CADM1: variants seen among roughly 807,000 people sequenced by gnomAD.
CADM1 encodes TSLC-1.
CADM1 carries 15 observed loss-of-function variants against 53.1 expected under a neutral mutation model. The ratio of observed to expected loss-of-function variants is 0.28; its 90% CI spans 0.19 to 0.44. The LOEUF is 0.44. Among genes scored for constraint, CADM1 ranks in the 20% least tolerant of loss-of-function variants. The pLI is 1.00. For synonymous variants in CADM1, 281 were observed against 243.0 expected (o/e 1.16, Z -1.45); for missense variants, 434 against 611.3 (o/e 0.71, Z 3.06).
At chr11:115,261,769 A>T (rs1158325089) in intron 1 of CADM1, among the ~76,000 whole-genome samples, 1 of 150,606 alleles carries the variant, frequency 6.6e-6, no homozygotes, top group Non-Finnish European at 1.5e-5. Context: ...CAAAAATTTC[A>T]TGCACTCCAA....
At chr11:115,186,739 T>C (rs1298722029) in intron 10 of CADM1, among the ~76,000 whole-genome samples, 1 of 152,212 alleles carries the variant, frequency 6.6e-6, no homozygotes, top group African/African-American at 2.4e-5. Flanking sequence ...CCTGTCCCAA[T>C]GGCCTTCCCT....
chr11:115,318,959 T>G (rs1944748344), intron 1 of CADM1, among the ~76,000 whole-genome samples: 1 of 152,176 alleles, frequency 6.6e-6, no homozygotes, highest in African/African-American at 2.4e-5. Context: ...CCAGACACTG[T>G]GCTTAATGCA....
intron 1 of CADM1, among the ~76,000 whole-genome samples, chr11:115,431,473 CCACAGTGATTTTT>C (rs1337298032): frequency 6.6e-6 from 1 of 152,094 alleles, no homozygotes; most frequent in East Asian, 1.9e-4. Flanking sequence ...TACAAGGTAA[CCACAGTGATTTTT>C]TTCCAGAAAA....
chr11:115,491,422 T>C (rs314481), intron 1 of CADM1, among the ~76,000 whole-genome samples: 11,131 of 151,838 alleles, frequency 0.073, 551 homozygotes, highest in African/African-American at 0.13. Context: ...AAAATTAGCC[T>C]GGCAAGGTGG....
chr11:115,350,582 A>G (rs1293361843), intron 1 of CADM1, among the ~76,000 whole-genome samples: 2 of 151,164 alleles, frequency 1.3e-5, no homozygotes, highest in Non-Finnish European at 2.9e-5. Flanking sequence ...GGAATACACA[A>G]TAATTAAGAA....
intron 1 of CADM1, among the ~76,000 whole-genome samples, chr11:115,413,201 T>C (rs1359839219): frequency 6.6e-6 from 1 of 152,184 alleles, no homozygotes; most frequent in Non-Finnish European, 1.5e-5. Flanking sequence ...GACCTAAACA[T>C]ATTTGCTCAA....
At position 115,174,080 on chromosome 11, in the gene CADM1, T is replaced by C. The variant is rs1050620552; in HGVS notation, c.*2394A>G. The C allele has an allele frequency of 4.1e-6, 4 of 981,892 alleles. No homozygotes were observed. The highest frequency in any genetic ancestry group is 1.7e-5 in the African/African-American group (1 of 57,182). 60.8% of individuals were successfully genotyped at this position (981,892 alleles called of 1,614,324 possible). ...TTTGTTTTATTATTATTTTTTCCAA[T>C]GTGTGGGGCCTACACTTTGCAATCT... On this transcript the variant is annotated 3_prime_UTR_variant, in exon 12 of 12. Coordinates refer to ENST00000331581, the MANE Select transcript of CADM1 (RefSeq NM_001301043.2).
chr11:115,480,724 C>A (rs920822566), intron 1 of CADM1, among the ~76,000 whole-genome samples: 7 of 152,120 alleles, frequency 4.6e-5, no homozygotes, highest in African/African-American at 1.7e-4. Flanking sequence ...ACATTTCAAA[C>A]CTTCCCAGTT....
rs1402191685 is a variant in CADM1, at chr11:115,169,350, T to C, written c.*7124A>G. The C allele has an allele frequency of 3.3e-6, 1 of 300,968 alleles. No homozygotes were observed. The highest frequency in any genetic ancestry group is 6.6e-6 in the Non-Finnish European group (1 of 151,834). 18.6% of individuals were successfully genotyped at this position (300,968 alleles called of 1,614,324 possible). On this transcript the variant is annotated 3_prime_UTR_variant, in exon 12 of 12. Transcript: ENST00000331581. ...TTGGTGTCTCTGCAAGGAAATCTAT[T>C]ATTTTCCATAAACTGTCTTAAGCAT...
chr11:115,284,085 A>ACTCTCTCTCT (rs1449186377), intron 1 of CADM1, among the ~76,000 whole-genome samples: 24 of 23,344 alleles, frequency 1.0e-3, no homozygotes, highest in African/African-American at 3.1e-3. Flanking sequence ...ACAAGCCCAG[A>ACTCTCTCTCT]CACTCTCTCT....
intron 1 of CADM1, among the ~76,000 whole-genome samples, chr11:115,270,420 A>G (rs1380453184): frequency 1.3e-5 from 2 of 152,146 alleles, no homozygotes; most frequent in Non-Finnish European, 2.9e-5. Flanking sequence ...ACCATTGCTG[A>G]TGTCTATAAA....
intron 1 of CADM1, among the ~76,000 whole-genome samples, chr11:115,322,893 A>T (rs142727416): frequency 2.0e-3 from 298 of 152,228 alleles, no homozygotes; most frequent in African/African-American, 6.9e-3. Flanking sequence ...AAATAATAAT[A>T]TAATATTCAT....
At chr11:115,337,337 C>A (rs1449078060) in intron 1 of CADM1, among the ~76,000 whole-genome samples, 1 of 152,052 alleles carries the variant, frequency 6.6e-6, no homozygotes, top group Non-Finnish European at 1.5e-5. Flanking sequence ...TCTTTCTTTC[C>A]ACATAATTGT....
At chr11:115,369,625 T>C (rs1946262639) in intron 1 of CADM1, among the ~76,000 whole-genome samples, 1 of 152,204 alleles carries the variant, frequency 6.6e-6, no homozygotes, top group Non-Finnish European at 1.5e-5. Context: ...TAAGGGCATA[T>C]TGGCATCCTG....
intron 1 of CADM1, among the ~76,000 whole-genome samples, chr11:115,445,189 G>T (rs544331354): frequency 6.6e-6 from 1 of 152,148 alleles, no homozygotes; most frequent in African/African-American, 2.4e-5. Context: ...GGCTGATTTG[G>T]GTTTGACTGG....
chr11:115,476,225 G>A (rs1285019637), intron 1 of CADM1, among the ~76,000 whole-genome samples: 4 of 152,020 alleles, frequency 2.6e-5, no homozygotes, highest in Non-Finnish European at 4.4e-5. Flanking sequence ...GTACTCTCAA[G>A]AGTCTCAAGA....
At chr11:115,416,696 A>AAC (rs1947606165) in intron 1 of CADM1, among the ~76,000 whole-genome samples, 1 of 99,472 alleles carries the variant, frequency 1.0e-5, no homozygotes. Flanking sequence ...GTAAGGATTA[A>AAC]ATACACACAC....
chr11:115,461,223 T>C (rs1428882030), intron 1 of CADM1, among the ~76,000 whole-genome samples: 1 of 152,156 alleles, frequency 6.6e-6, no homozygotes, highest in Non-Finnish European at 1.5e-5. Flanking sequence ...ACTCTAAACA[T>C]AATTGGATAG....
intron 1 of CADM1, among the ~76,000 whole-genome samples, chr11:115,302,713 A>T (rs770584599): frequency 8.5e-5 from 13 of 152,100 alleles, no homozygotes; most frequent in Non-Finnish European, 1.8e-4. Flanking sequence ...GAATATAGGT[A>T]ACCAGGGTGA....
Sources: allele counts gnomAD v4.1 joint callset (sites outside exome capture counted in the v4.1 genomes callset), GRCh38; gene constraint gnomAD v4.1.1; transcripts MANE v1.5; gene names NCBI Gene and HGNC (gene_info 2026-07-23, HGNC 2026-07-21).